Variants in PAPPA2 observed in about 807,000 individuals in gnomAD.
PAPPA2 encodes the protein pappalysin-2.
In PAPPA2, 86 loss-of-function variants were observed where a neutral mutation model predicts 176.4. The observed-to-expected ratio is 0.49, with a 90% CI of 0.41 to 0.58. The LOEUF is 0.58. Ranked by LOEUF, PAPPA2 falls within the 20% of genes least tolerant of loss-of-function variation. PAPPA2 has a pLI of 0.00. For missense variants in PAPPA2, 2,073 were observed against 2,256.9 expected (o/e 0.92, Z 1.65); for synonymous variants, 809 against 852.2 (o/e 0.95, Z 0.88).
Position 176,709,980 on chromosome 1 carries a change from C to T in PAPPA2, c.3458-3C>T, listed in dbSNP as rs767019510. 6.9e-6 allele frequency: 11 copies of T among 1,587,804 alleles called. No individual in the cohort carries two copies. The highest frequency in any genetic ancestry group is 1.2e-5 in the South Asian group (1 of 86,680). On this transcript the variant is annotated splice_polypyrimidine_tract_variant and splice_region_variant and intron_variant, in intron 10 of 22. Transcript: ENST00000367662. ...TTCTGTGTCACACAATATTTCTTGG[C>T]AGGAGAGCCAAGCCTTTGCTACATG...
intron 3 of PAPPA2, among the ~76,000 whole-genome samples, chr1:176,612,677 G>GTT (rs1421809205): frequency 6.6e-6 from 1 of 152,174 alleles, no homozygotes; most frequent in African/African-American, 2.4e-5. Context: ...CATAGAGGAA[G>GTT]CTATGTAGTG....
At chr1:176,770,503 A>T (rs1482591843) in intron 16 of PAPPA2, among the ~76,000 whole-genome samples, 1 of 152,164 alleles carries the variant, frequency 6.6e-6, no homozygotes, top group Non-Finnish European at 1.5e-5. Flanking sequence ...TGATCTGCAT[A>T]ATAGGGGATA....
chr1:176,525,115 T>C (rs369085183), intron 1 of PAPPA2, among the ~76,000 whole-genome samples: 2 of 152,162 alleles, frequency 1.3e-5, no homozygotes, highest in Admixed American at 1.3e-4. Flanking sequence ...GCTGTGGCTG[T>C]AGGTTTTCTT....
At chr1:176,725,924 T>C (rs758587551) in intron 12 of PAPPA2, among the ~76,000 whole-genome samples, 131 of 152,088 alleles carry the variant, frequency 8.6e-4, no homozygotes, top group Non-Finnish European at 1.6e-3. Flanking sequence ...GGACTACAGG[T>C]GCCCGCCATC....
chr1:176,791,160 GA>G (rs71565482), intron 18 of PAPPA2, among the ~76,000 whole-genome samples, 186 bp from the exon 19 acceptor site: 2 of 131,080 alleles, frequency 1.5e-5, no homozygotes, highest in Admixed American at 1.5e-4. Context: ...CCTCTGCTTG[GA>G]AAAAGCAAAG....
chr1:176,617,699 C>T (rs545568910), intron 3 of PAPPA2, among the ~76,000 whole-genome samples: 15 of 151,752 alleles, frequency 9.9e-5, no homozygotes, highest in Non-Finnish European at 2.1e-4. Context: ...GGCTGATGAA[C>T]ATTTAGGCTG....
intron 1 of PAPPA2, among the ~76,000 whole-genome samples, chr1:176,488,686 G>A (rs1652757766): frequency 6.6e-6 from 1 of 152,158 alleles, no homozygotes; most frequent in Non-Finnish European, 1.5e-5. Context: ...ACTCCTTTGT[G>A]AATGAAACAT....
intron 2 of PAPPA2, among the ~76,000 whole-genome samples, chr1:176,567,167 C>A (rs1421052540): frequency 6.6e-5 from 10 of 152,176 alleles, no homozygotes; most frequent in Admixed American, 6.5e-4. Flanking sequence ...AACAACCTTC[C>A]TTTTTGGATT....
At chr1:176,649,646 T>A (rs1264189739) in intron 3 of PAPPA2, among the ~76,000 whole-genome samples, 1 of 151,600 alleles carries the variant, frequency 6.6e-6, no homozygotes, top group Non-Finnish European at 1.5e-5. Context: ...CCATTTAAAT[T>A]TCTTCATTGA....
At chr1:176,810,087 T>A (rs1666082546) in intron 21 of PAPPA2, among the ~76,000 whole-genome samples, 1 of 151,946 alleles carries the variant, frequency 6.6e-6, no homozygotes, top group Non-Finnish European at 1.5e-5. Flanking sequence ...GAGCTCTTTG[T>A]TCTAAAAAGT....
At chr1:176,464,220 TTTC>T (rs1651511174) in intron 1 of PAPPA2, among the ~76,000 whole-genome samples, 1 of 152,178 alleles carries the variant, frequency 6.6e-6, no homozygotes, top group Non-Finnish European at 1.5e-5. Context: ...TCTCCCATAA[TTTC>T]TTCTTCTTCT....
chr1:176,496,165 A>G (rs779598868), intron 1 of PAPPA2, among the ~76,000 whole-genome samples: 74 of 152,338 alleles, frequency 4.9e-4, no homozygotes, highest in Non-Finnish European at 8.5e-4. Context: ...ATATGTATAC[A>G]TGTGCCATGT....
At chr1:176,647,836 C>T (rs1003417708) in intron 3 of PAPPA2, among the ~76,000 whole-genome samples, 1 of 151,376 alleles carries the variant, frequency 6.6e-6, no homozygotes, top group Non-Finnish European at 1.5e-5. Flanking sequence ...GCCATTTTGG[C>T]TGCTATAACT....
At chr1:176,689,159 C>T (rs1159036129) in intron 4 of PAPPA2, among the ~76,000 whole-genome samples, 2 of 152,116 alleles carry the variant, frequency 1.3e-5, no homozygotes, top group East Asian at 3.9e-4. Context: ...GGGCCTGGCC[C>T]TGACAATTTT....
chr1:176,713,420 C>G (rs967930615), intron 12 of PAPPA2, among the ~76,000 whole-genome samples: 2 of 152,122 alleles, frequency 1.3e-5, no homozygotes, highest in Non-Finnish European at 2.9e-5. Flanking sequence ...TTCTTTAAAC[C>G]TGAGCAAAGG....
chr1:176,512,958 AAC>A (rs1648696362), intron 1 of PAPPA2, among the ~76,000 whole-genome samples: 1 of 152,116 alleles, frequency 6.6e-6, no homozygotes, highest in Non-Finnish European at 1.5e-5. Flanking sequence ...GAATTTCTAC[AAC>A]AGTTTCAAAA....
At chr1:176,626,889 CTTTTT>C (rs547179481) in intron 3 of PAPPA2, among the ~76,000 whole-genome samples, 1 of 127,774 alleles carries the variant, frequency 7.8e-6, no homozygotes, top group Non-Finnish European at 1.7e-5. Flanking sequence ...CCTGTTTTTC[CTTTTT>C]TTTTTTTTTT....
chr1:176,816,162 A>G (rs1437681318), intron 21 of PAPPA2, among the ~76,000 whole-genome samples: 12 of 100,138 alleles, frequency 1.2e-4, no homozygotes, highest in African/African-American at 2.2e-4. Context: ...GTATATATAT[A>G]TATATATATA....
At chr1:176,540,835 C>G (rs887673978) in intron 1 of PAPPA2, among the ~76,000 whole-genome samples, 1 of 152,150 alleles carries the variant, frequency 6.6e-6, no homozygotes, top group Non-Finnish European at 1.5e-5. Context: ...GAAATCATCT[C>G]CCACCAGAGA....
Sources: allele counts gnomAD v4.1 joint callset (sites outside exome capture counted in the v4.1 genomes callset), GRCh38; gene constraint gnomAD v4.1.1; transcripts MANE v1.5; gene names NCBI Gene and HGNC (gene_info 2026-07-23, HGNC 2026-07-21).